Variants in FLT3LG observed in about 807,000 individuals in gnomAD.
FLT3LG encodes fms-related tyrosine kinase 3 ligand.
Under a neutral mutation model 30.9 loss-of-function variants are expected in FLT3LG, and 8 were observed. The ratio of observed to expected loss-of-function variants is 0.26; its 90% CI spans 0.15 to 0.47. The LOEUF is 0.47. Among genes scored for constraint, FLT3LG ranks in the 20% least tolerant of loss-of-function variants. The pLI is 0.99. For synonymous variants in FLT3LG, 123 were observed against 135.9 expected, an observed-to-expected ratio of 0.91 and a Z score of 0.66; for missense variants, 278 against 306.2, an observed-to-expected ratio of 0.91 and a Z score of 0.69.
chr19:49,475,980 T>A (rs2079380540), intron 3 of FLT3LG, 165 bp from the exon 4 acceptor site: 1 of 990,722 alleles, frequency 1.0e-6, no homozygotes, highest in South Asian at 1.4e-5. Context: ...GCCACTGTGC[T>A]TAGGGGTGTC....
In FLT3LG at chr19:49,475,705, G is replaced by A; in HGVS notation, c.48G>A (p.Leu16=). ...PAWSPTTYLL[L]LLLLSSGLSG... ...CTCCCCTGCAGACCTATCTCCTCCT[G>A]CTGCTGCTGCTGAGCTCGGGACTCA... is the stretch of plus-strand genomic sequence containing the variant. Residue 16 remains leucine, a synonymous_variant, in exon 3 of 9, where the codon CTG becomes CTA. Transcript: ENST00000597551. 6.4e-7 allele frequency: 1 copy of A among 1,551,672 alleles called. No homozygotes were observed.
chr19:49,475,469 G>T (rs996732218), intron 2 of FLT3LG, among the ~76,000 whole-genome samples: 1 of 151,640 alleles, frequency 6.6e-6, no homozygotes, highest in Non-Finnish European at 1.5e-5. Context: ...AGAGAGGGGT[G>T]GGGCAGAGGG....
chr19:49,482,731 G>A (rs1389030429), intron 8 of FLT3LG, among the ~76,000 whole-genome samples: 5 of 151,322 alleles, frequency 3.3e-5, no homozygotes, highest in Admixed American at 6.6e-5. Context: ...GGGTTCAAGC[G>A]ATTCTCCTGC....
At position 49,476,712 on chromosome 19, in the gene FLT3LG, T is replaced by C. The variant is rs576566022; in HGVS notation, c.342+146T>C. 7.5e-6 allele frequency: 8 copies of C among 1,066,286 alleles called. No individual in the cohort carries two copies. The highest frequency in any genetic ancestry group is 7.1e-5 in the South Asian group (5 of 70,532). The allele number at this position is 1,066,286 out of a possible 1,614,324, so 66.1% of individuals were successfully genotyped here. A position where few individuals can be genotyped will look rare whatever the true frequency, so the allele number is the denominator to read the frequency against. ...AGAAGCGCCACCCTGCAGAGCCCTG[T>C]TCCTACAGAACAACACGTCCCCAGG... On this transcript the variant is annotated intron_variant, in intron 5 of 8. Transcript: ENST00000597551. This position sits in a 1 kb window ranked among gnomAD's most constrained non-coding sequence, Gnocchi z 5.3.
chr19:49,485,281 C>T (rs1220866833), intron 8 of FLT3LG, among the ~76,000 whole-genome samples: 21 of 137,788 alleles, frequency 1.5e-4, no homozygotes, highest in African/African-American at 5.3e-4. Context: ...GGGAGTTTCG[C>T]TCTTGTCGCC....
At chr19:49,481,503 G>A (rs772459185) in intron 8 of FLT3LG, 4 of 153,150 alleles carry the variant, frequency 2.6e-5, no homozygotes, top group South Asian at 2.1e-4. Flanking sequence ...AGGAGCCATG[G>A]GAGGTGTGAG....
chr19:49,475,641 G>A, intron 2 of FLT3LG, 50 bp from the exon 3 acceptor site: 1 of 1,577,512 alleles, frequency 6.3e-7, no homozygotes, highest in Non-Finnish European at 8.5e-7. Flanking sequence ...CGGAGGAGGG[G>A]GCTGTGTGTG....
rs1014037658 is a variant in FLT3LG, at chr19:49,476,257, C to G, written c.198+59C>G. The G allele has an allele frequency of 1.1e-5, 17 of 1,503,818 alleles. No individual in the cohort carries two copies. The highest frequency in any genetic ancestry group is 1.6e-5 in the Non-Finnish European group (17 of 1,085,568). The allele number at this position is 1,503,818 out of a possible 1,614,324, so 93.2% of individuals were successfully genotyped here. On this transcript the variant is annotated intron_variant, in intron 4 of 8. Coordinates refer to ENST00000597551, the MANE Select transcript of FLT3LG (RefSeq NM_001459.4). The surrounding 1 kb of genome is among the most constrained non-coding windows in gnomAD (Gnocchi z 5.3). Reference sequence around the variant, plus strand: ...TGGGGACCACAGACTCAAGATGCTCCACCGAGGCGAGTGGATAACCAGGCC... The same window carrying G: ...TGGGGACCACAGACTCAAGATGCTCGACCGAGGCGAGTGGATAACCAGGCC...
intron 2 of FLT3LG, among the ~76,000 whole-genome samples, chr19:49,475,113 G>A (rs1379072848): frequency 9.3e-6 from 1 of 107,206 alleles, no homozygotes; most frequent in East Asian, 3.2e-4. Flanking sequence ...AGAGGAGAGG[G>A]GAGATGGACA....
chr19:49,479,037 G>A lies in FLT3LG; in HGVS notation c.471G>A (p.Gln157=), dbSNP rs1360165727. 6 of 1,607,498 alleles carry A rather than the reference G, an allele frequency of 3.7e-6. No homozygotes were observed. The highest frequency in any genetic ancestry group is 5.1e-6 in the Non-Finnish European group (6 of 1,177,110). The change falls in exon 6 of 9, where the codon CAG becomes CAA. Residue 157 remains glutamine (Q), a synonymous_variant. Transcript: ENST00000597551. ...RQNFSRCLEL[Q]CQPDSSTLPP... ...ACTTCTCCCGGTGCCTGGAGCTGCA[G>A]TGTCAGCCCGGTAAAGGCTTCCAGG...
Position 49,476,035 on chromosome 19 carries a change from C to A in FLT3LG, c.145-110C>A. ...GTTCTGTGGCTTCTTCTGGGCTCCC[C>A]CTCTCTTGGTCTTGTCCCTCTCTCT... On this transcript the variant is annotated intron_variant, in intron 3 of 8. Coordinates refer to ENST00000597551, the MANE Select transcript of FLT3LG (RefSeq NM_001459.4). This position sits in a 1 kb window ranked among gnomAD's most constrained non-coding sequence, Gnocchi z 5.3. 7.8e-7 allele frequency: 1 copy of A among 1,277,956 alleles called. No individual in the cohort carries two copies. The allele number at this position is 1,277,956 out of a possible 1,614,324, so 79.2% of individuals were successfully genotyped here.
intron 2 of FLT3LG, among the ~76,000 whole-genome samples, 169 bp from the exon 3 acceptor site, chr19:49,475,522 C>T (rs1477054958): frequency 6.6e-6 from 1 of 151,818 alleles, no homozygotes; most frequent in Non-Finnish European, 1.5e-5. Flanking sequence ...AGAGAGAAAC[C>T]GGGAAAGACA....
In FLT3LG at chr19:49,475,680, C is replaced by T; in HGVS notation, c.34-11C>T. Reference sequence around the variant, plus strand: ...CAGCAGAGGGCTCCCCCAGCACCCGCTCCCCTGCAGACCTATCTCCTCCTG... The same window carrying T: ...CAGCAGAGGGCTCCCCCAGCACCCGTTCCCCTGCAGACCTATCTCCTCCTG... On this transcript the variant is annotated splice_polypyrimidine_tract_variant and intron_variant, in intron 2 of 8. Coordinates refer to ENST00000597551, the MANE Select transcript of FLT3LG (RefSeq NM_001459.4). The T allele has an allele frequency of 6.2e-7, 1 of 1,602,170 alleles. No homozygotes were observed. The highest frequency in any genetic ancestry group is 8.5e-7 in the Non-Finnish European group (1 of 1,179,702).
chr19:49,479,384 C>T (rs1476576193), intron 6 of FLT3LG, among the ~76,000 whole-genome samples: 5 of 151,084 alleles, frequency 3.3e-5, no homozygotes, highest in African/African-American at 4.9e-5. Context: ...TTAGTAGAGA[C>T]GGGGTTTTAC....
Position 49,478,911 on chromosome 19 carries a change from C to G in FLT3LG, c.345C>G (p.Pro115=), listed in dbSNP as rs763704897. The change falls in exon 6 of 9, where the codon CCC becomes CCG. Residue 115 remains proline, a splice_region_variant and synonymous_variant. Transcript: ENST00000597551. ...ACGTCTCCCTCCCCTGCTCCCAGCC[C>G]CCCCCCAGCTGTCTTCGCTTCGTCC... is the stretch of plus-strand genomic sequence containing the variant. ...IHFVTKCAFQ[P]PPSCLRFVQT... 2.8e-5 allele frequency: 43 copies of G among 1,530,664 alleles called. No homozygotes were observed. Among genetic ancestry groups the G allele is most frequent in the South Asian group, 1.3e-4 (11 of 81,898 alleles). The allele number at this position is 1,530,664 out of a possible 1,614,324, so 94.8% of individuals were successfully genotyped here. A position where few individuals can be genotyped will look rare whatever the true frequency, so the allele number is the denominator to read the frequency against.
At chr19:49,478,468 A>AAAAT (rs541579402) in intron 5 of FLT3LG, among the ~76,000 whole-genome samples, 13 of 151,552 alleles carry the variant, frequency 8.6e-5, no homozygotes, top group African/African-American at 1.5e-4. Context: ...CTCTGTCTTA[A>AAAAT]AAATAAATAA....
In FLT3LG at chr19:49,480,487, T is replaced by A. The variant is rs1568675460; in HGVS notation, c.660+11T>A. The A allele has an allele frequency of 6.3e-7, 1 of 1,592,564 alleles. No homozygotes were observed. The highest frequency in any genetic ancestry group is 8.5e-7 in the Non-Finnish European group (1 of 1,169,732). ...CGCCCTGGGGAGCAGGTGAGCAGGC[T>A]GGGAAGAGGGGGTGAGGGGGCCGAG... On this transcript the variant is annotated intron_variant, in intron 7 of 8. Transcript: ENST00000597551.
rs1458283924 is a variant in FLT3LG at position 49,474,692 on chromosome 19, A to C, written c.33+20A>C. 7.4e-6 allele frequency: 12 copies of C among 1,611,134 alleles called. No homozygotes were observed. The highest frequency in any genetic ancestry group is 1.0e-5 in the Non-Finnish European group (12 of 1,179,174). ...CCAACAGTGCGTAAACCCCAGGGAC[A>C]AGATCAGGGGAGAGGGGAGGCACAA... On this transcript the variant is annotated intron_variant, in intron 2 of 8. Transcript: ENST00000597551.
At chr19:49,475,927 C>A in intron 3 of FLT3LG, 126 bp downstream of exon 3, 1 of 1,048,762 alleles carries the variant, frequency 9.5e-7, no homozygotes, top group South Asian at 1.4e-5. Flanking sequence ...CTCAAGCGAT[C>A]CTCCCACCTT....
Sources: allele counts gnomAD v4.1 joint callset (sites outside exome capture counted in the v4.1 genomes callset), GRCh38; gene constraint gnomAD v4.1.1; non-coding constraint Gnocchi (gnomAD v3.1); transcripts MANE v1.5; gene names NCBI Gene and HGNC (gene_info 2026-07-23, HGNC 2026-07-21).